The following CCSER2 variants were observed in gnomAD, a reference collection of about 807,000 sequenced individuals.
The protein encoded by CCSER2 is coiled-coil serine rich protein 2.
A neutral mutation model predicts 92.3 loss-of-function variants in CCSER2; 46 were observed. That is an observed-to-expected ratio of 0.50 (90% CI 0.39 to 0.64). The LOEUF (loss-of-function observed/expected upper bound fraction) is 0.64. Ranked by LOEUF, CCSER2 falls within the 30% of genes least tolerant of loss-of-function variation. The probability of loss-of-function intolerance (pLI) is 0.00; values close to 1 mark genes in which losing one functional copy is unlikely to be tolerated. For missense variants in CCSER2, 1,244 were observed against 1,238.9 expected (o/e 1.00, Z -0.06); for synonymous variants, 433 against 431.4 (o/e 1.00, Z -0.04).
chr10:84,397,089 T>C (rs1841884374), intron 3 of CCSER2, among the ~76,000 whole-genome samples: 1 of 152,220 alleles, frequency 6.6e-6, no homozygotes, highest in African/African-American at 2.4e-5. Flanking sequence ...CATATAAAAG[T>C]GCTAGTCAGT....
chr10:84,496,091 CATT>C (rs1468520205), intron 9 of CCSER2, among the ~76,000 whole-genome samples: 4 of 151,752 alleles, frequency 2.6e-5, no homozygotes, highest in Admixed American at 1.3e-4. Context: ...TTGCTGTAGG[CATT>C]ATATTTCACA....
intron 6 of CCSER2, among the ~76,000 whole-genome samples, chr10:84,460,895 T>C (rs1170315753): frequency 6.6e-6 from 1 of 152,222 alleles, no homozygotes; most frequent in East Asian, 1.9e-4. Context: ...GCTAGATGTC[T>C]AGCAATTTTC....
intron 3 of CCSER2, among the ~76,000 whole-genome samples, chr10:84,409,812 C>T (rs1423937927): frequency 6.6e-6 from 1 of 152,116 alleles, no homozygotes; most frequent in African/African-American, 2.4e-5. Context: ...GTTTCTTACA[C>T]ATGTAAATGT....
chr10:84,409,098 C>T (rs1842516375), intron 3 of CCSER2, among the ~76,000 whole-genome samples: 1 of 152,108 alleles, frequency 6.6e-6, no homozygotes, highest in Non-Finnish European at 1.5e-5. Flanking sequence ...TCAAGAGATT[C>T]TCCTGCCTCA....
chr10:84,400,006 T>TCAAA (rs1256338486), intron 3 of CCSER2, among the ~76,000 whole-genome samples: 2 of 152,162 alleles, frequency 1.3e-5, no homozygotes, highest in Non-Finnish European at 2.9e-5. Flanking sequence ...TTGAACTTTT[T>TCAAA]TGTGTGTTTA....
intron 9 of CCSER2, among the ~76,000 whole-genome samples, chr10:84,490,267 C>A (rs771860902): frequency 3.3e-5 from 5 of 152,138 alleles, no homozygotes; most frequent in Non-Finnish European, 7.3e-5. Flanking sequence ...TCTGTATTTC[C>A]TGAATTTGAA....
At chr10:84,394,017 A>G (rs1034741025) in intron 3 of CCSER2, 21 of 152,256 alleles carry the variant, frequency 1.4e-4, no homozygotes, top group Non-Finnish European at 2.2e-4. Context: ...TGAATCTTCC[A>G]TGTACATTTA....
chr10:84,438,715 C>G lies in CCSER2; in HGVS notation c.2064+8C>G. ...AAACGTCTCCTGCATCAGGTGAGTA[C>G]ATAATGAACATTTCCAGCTCTGATA... On this transcript the variant is annotated splice_region_variant and intron_variant, in intron 6 of 9. Transcript: ENST00000372088. 2 of 1,517,670 alleles carry G rather than the reference C, an allele frequency of 1.3e-6. No individual in the cohort carries two copies. The highest frequency in any genetic ancestry group is 1.8e-6 in the Non-Finnish European group (2 of 1,121,536). The allele number at this position is 1,517,670 out of a possible 1,614,324, so 94.0% of individuals were successfully genotyped here.
chr10:84,416,928 CAA>C (rs992275175), intron 3 of CCSER2, among the ~76,000 whole-genome samples: 1 of 145,690 alleles, frequency 6.9e-6, no homozygotes, highest in South Asian at 2.2e-4. Context: ...GACTCCGTCT[CAA>C]AAAAAAAAGA....
chr10:84,380,386 T>A (rs1429704705), intron 3 of CCSER2, among the ~76,000 whole-genome samples: 2 of 152,228 alleles, frequency 1.3e-5, no homozygotes, highest in Admixed American at 1.3e-4. Context: ...TCTTGTTAAA[T>A]GTGTTGCAGT....
rs1419292155 is a variant in CCSER2, at chr10:84,516,692, T to C, written c.*2425T>C. 2 of 152,308 alleles carry C rather than the reference T, an allele frequency of 1.3e-5. No homozygotes were observed. The highest frequency in any genetic ancestry group is 1.3e-4 in the Admixed American group (2 of 15,296). The allele number at this position is 152,308 out of a possible 1,614,324, so 9.4% of individuals were successfully genotyped here. ...CATTACATAAAAATGTTGACTCCAGTAATTTATTTTTCTCTATTTTTTCCT... is the reference window on the plus strand; with the variant it reads ...CATTACATAAAAATGTTGACTCCAGCAATTTATTTTTCTCTATTTTTTCCT... On this transcript the variant is annotated 3_prime_UTR_variant, in exon 10 of 10. Coordinates refer to ENST00000372088, the MANE Select transcript of CCSER2 (RefSeq NM_001284240.2).
At chr10:84,513,353 C>A in intron 9 of CCSER2, 96 bp from the exon 10 acceptor site, 1 of 927,204 alleles carries the variant, frequency 1.1e-6, no homozygotes, top group Non-Finnish European at 1.6e-6. Flanking sequence ...CATATTAAAG[C>A]CATAATAAGT....
intron 3 of CCSER2, among the ~76,000 whole-genome samples, chr10:84,379,587 C>A (rs1840782040): frequency 6.9e-6 from 1 of 144,212 alleles, no homozygotes; most frequent in South Asian, 2.3e-4. Context: ...CAGTAAACAC[C>A]CTAGTAGTAA....
At chr10:84,347,258 C>T (rs547888955) in intron 1 of CCSER2, among the ~76,000 whole-genome samples, 10 of 152,364 alleles carry the variant, frequency 6.6e-5, no homozygotes, top group African/African-American at 2.2e-4. Flanking sequence ...ACAAAACCAT[C>T]GTCATCATGG....
At chr10:84,411,422 C>G (rs1247153966) in intron 3 of CCSER2, among the ~76,000 whole-genome samples, 1 of 152,152 alleles carries the variant, frequency 6.6e-6, no homozygotes, top group Non-Finnish European at 1.5e-5. Flanking sequence ...ATTGATTTTA[C>G]CAACCATCCA....
chr10:84,335,369 T>A (rs1335796654), intron 1 of CCSER2, among the ~76,000 whole-genome samples: 2 of 150,904 alleles, frequency 1.3e-5, no homozygotes, highest in Non-Finnish European at 2.9e-5. Context: ...GTACTCAACC[T>A]GTAGCTGGGA....
At chr10:84,497,423 G>GT (rs1353694532) in intron 9 of CCSER2, among the ~76,000 whole-genome samples, 2 of 152,188 alleles carry the variant, frequency 1.3e-5, no homozygotes, top group Admixed American at 1.3e-4. Flanking sequence ...CGCTGTTTAT[G>GT]TATTTATTTC....
At chr10:84,442,643 A>G (rs1489299093) in intron 6 of CCSER2, among the ~76,000 whole-genome samples, 5 of 152,198 alleles carry the variant, frequency 3.3e-5, no homozygotes, top group African/African-American at 1.2e-4. Context: ...GGGGGGAAGA[A>G]AAGGTTTTTT....
chr10:84,488,287 A>G (rs4934019), intron 9 of CCSER2, among the ~76,000 whole-genome samples: 86,025 of 151,858 alleles, frequency 0.57, 27,046 homozygotes, highest in East Asian at 0.74. Flanking sequence ...CTCTTTTTCT[A>G]TTGATTGGAA....
Sources: gnomAD v4.1 joint callset for allele counts (sites outside exome capture counted in the v4.1 genomes callset) on GRCh38, gnomAD v4.1.1 for gene constraint, MANE v1.5 for transcripts, NCBI Gene and HGNC (gene_info 2026-07-23, HGNC 2026-07-21) for gene names.